The following WFDC1 variants were observed in gnomAD, a reference collection of about 807,000 sequenced individuals.
WFDC1 encodes WAP four-disulfide core domain 1.
A neutral mutation model predicts 32.9 loss-of-function variants in WFDC1; 39 were observed. The observed-to-expected ratio is 1.19, with a 90% confidence interval of 0.92 to 1.55. The LOEUF (loss-of-function observed/expected upper bound fraction) is 1.55. Ranked by LOEUF, WFDC1 falls within the 40% of genes most tolerant of loss-of-function variation. The pLI, the probability that WFDC1 is intolerant of heterozygous loss-of-function variation, is 0.00. For synonymous variants in WFDC1, 184 were observed against 137.4 expected (o/e 1.34, Z -2.37); for missense variants, 386 against 309.5 (o/e 1.25, Z -1.85).
chr16:84,312,760 C>T (rs746328181), intron 1 of WFDC1, among the ~76,000 whole-genome samples: 1 of 152,084 alleles, frequency 6.6e-6, no homozygotes, highest in East Asian at 1.9e-4. Flanking sequence ...TATTTCGTGC[C>T]GACTGTTATA....
At chr16:84,301,351 C>T (rs768335468) in intron 1 of WFDC1, among the ~76,000 whole-genome samples, 3 of 152,184 alleles carry the variant, frequency 2.0e-5, no homozygotes, top group Non-Finnish European at 2.9e-5. Context: ...CAACCGGCAA[C>T]GAGACATTTC....
chr16:84,312,668 C>A lies in WFDC1; in HGVS notation c.145-293C>A, dbSNP rs926113166. ...ATTATGTATTATGTATCATCTCTCT[C>A]TCACACCGGGTAGATACTTAAGTAA... On this transcript the variant is annotated intron_variant, in intron 1 of 6. Coordinates refer to ENST00000219454, the MANE Select transcript of WFDC1 (RefSeq NM_021197.4). Among the ~76,000 whole-genome samples, 4 of 152,272 alleles carry A rather than the reference C, an allele frequency of 2.6e-5. No individual in the cohort carries two copies. The East Asian group carries it at 5.8e-4, about 22-fold the overall frequency.
At chr16:84,298,401 T>G (rs1951709072) in intron 1 of WFDC1, among the ~76,000 whole-genome samples, 1 of 152,126 alleles carries the variant, frequency 6.6e-6, no homozygotes, top group African/African-American at 2.4e-5. Flanking sequence ...AGCCAGGAAA[T>G]ACTTCTTGTT....
chr16:84,316,533 G>A (rs1907958702), intron 2 of WFDC1: 1 of 152,254 alleles, frequency 6.6e-6, no homozygotes, highest in Non-Finnish European at 1.5e-5. Context: ...GCCAAAGCAG[G>A]AGGATCACGC....
Position 84,294,879 on chromosome 16 carries a change from G to C in WFDC1, c.-93G>C. 6.6e-7 allele frequency: 1 copy of C among 1,510,816 alleles called. No homozygotes were observed. Among genetic ancestry groups the C allele is most frequent in the Non-Finnish European group, 8.8e-7 (1 of 1,130,116 alleles). 93.6% of individuals were successfully genotyped at this position (1,510,816 alleles called of 1,614,324 possible). On this transcript the variant is annotated 5_prime_UTR_variant, in exon 1 of 7. Transcript: ENST00000219454. ...TGGGTGGAACTAAGAAAGTCCAGCA[G>C]ACTGTGCACGCTCCTGTCCCCACTC...
intron 3 of WFDC1, 141 bp downstream of exon 3, chr16:84,318,496 C>G: frequency 2.6e-6 from 2 of 774,190 alleles, no homozygotes; most frequent in Non-Finnish European, 4.4e-6. Context: ...CTTTGATCCT[C>G]CCCACCCCAG....
In WFDC1 at chr16:84,318,715, G is replaced by A. The variant is rs142801166; in HGVS notation, c.421+360G>A. 525 of 244,240 alleles carry A rather than the reference G, an allele frequency of 2.1e-3. 7 individuals carry two copies. Among genetic ancestry groups the A allele is most frequent in the Non-Finnish European group, 3.9e-3 (462 of 119,104 alleles). The allele number at this position is 244,240 out of a possible 1,614,324, so 15.1% of individuals were successfully genotyped here. A position where few individuals can be genotyped will look rare whatever the true frequency, so the allele number is the denominator to read the frequency against. ...CTGGGGGTGGGGGAGGTACCAGGAG[G>A]CAGAGGGCAATTTCTGGAAGGAACA... On this transcript the variant is annotated intron_variant, in intron 3 of 6. Coordinates refer to ENST00000219454, the MANE Select transcript of WFDC1 (RefSeq NM_021197.4).
At chr16:84,296,326 G>T (rs1410393828) in intron 1 of WFDC1, among the ~76,000 whole-genome samples, 1 of 152,172 alleles carries the variant, frequency 6.6e-6, no homozygotes, top group Non-Finnish European at 1.5e-5. Flanking sequence ...CTTGGGGTAG[G>T]GCAGGGTTCT....
In WFDC1 at chr16:84,295,144, C is replaced by T. The variant is rs1187439954; in HGVS notation, c.144+29C>T. On this transcript the variant is annotated intron_variant, in intron 1 of 6. Coordinates refer to ENST00000219454, the MANE Select transcript of WFDC1 (RefSeq NM_021197.4). ...AGTGCCTGGGATGGGGAGGCTGGGG[C>T]AGCCTGTGTGGGTGGGAGTCAGCCT... 17 of 1,610,256 alleles carry T rather than the reference C, an allele frequency of 1.1e-5. No homozygotes were observed. In the Admixed American group the frequency reaches 2.7e-4, roughly 25 times the overall value.
At chr16:84,314,824 A>C (rs1907855668) in intron 2 of WFDC1, among the ~76,000 whole-genome samples, 1 of 152,218 alleles carries the variant, frequency 6.6e-6, no homozygotes, top group Non-Finnish European at 1.5e-5. Flanking sequence ...CTTCCTCTGG[A>C]ATGTGACCTG....
chr16:84,319,680 C>T lies in WFDC1; in HGVS notation c.562+109C>T, dbSNP rs976243275. 7 of 1,415,460 alleles carry T rather than the reference C, an allele frequency of 4.9e-6. No individual in the cohort carries two copies. In the African/African-American group the frequency reaches 9.9e-5, roughly 20 times the overall value. The allele number at this position is 1,415,460 out of a possible 1,614,324, so 87.7% of individuals were successfully genotyped here. A position where few individuals can be genotyped will look rare whatever the true frequency, so the allele number is the denominator to read the frequency against. ...CTGCCCCAGGAAGCAGCCCCAGCAC[C>T]TGGGCCTGACTGAGAGCTCCTCACA... On this transcript the variant is annotated intron_variant, in intron 4 of 6. Coordinates refer to ENST00000219454, the MANE Select transcript of WFDC1 (RefSeq NM_021197.4).
At chr16:84,301,522 A>T (rs1906933437) in intron 1 of WFDC1, among the ~76,000 whole-genome samples, 1 of 152,112 alleles carries the variant, frequency 6.6e-6, no homozygotes, top group African/African-American at 2.4e-5. Context: ...CAAGACTATG[A>T]AGATGCCTAC....
At chr16:84,328,732 C>T (rs1313394469) in intron 6 of WFDC1, 1 of 152,126 alleles carries the variant, frequency 6.6e-6, no homozygotes, top group Non-Finnish European at 1.5e-5. Flanking sequence ...ATGGTATAAT[C>T]CCAGGAGTTC....
chr16:84,319,592 C>T (rs771243971), intron 4 of WFDC1, 21 bp downstream of exon 4: 10 of 1,608,754 alleles, frequency 6.2e-6, no homozygotes, highest in Non-Finnish European at 8.5e-6. Flanking sequence ...CACCCCAGCC[C>T]TGATCCTGGC....
chr16:84,302,803 G>A (rs899507935), intron 1 of WFDC1, among the ~76,000 whole-genome samples: 1 of 152,114 alleles, frequency 6.6e-6, no homozygotes, highest in African/African-American at 2.4e-5. Context: ...ACGTCTTCTG[G>A]TTCAACTCGG....
chr16:84,303,018 TTTC>T (rs1414259021), intron 1 of WFDC1, among the ~76,000 whole-genome samples: 19 of 121,952 alleles, frequency 1.6e-4, no homozygotes, highest in African/African-American at 4.3e-4. Flanking sequence ...AATTTCTTTC[TTTC>T]TTTTTTTTTT....
At chr16:84,304,659 A>G (rs911476985) in intron 1 of WFDC1, among the ~76,000 whole-genome samples, 1 of 152,246 alleles carries the variant, frequency 6.6e-6, no homozygotes, top group African/African-American at 2.4e-5. Flanking sequence ...TGAAAATAAA[A>G]GCTGGAAATC....
At position 84,314,359 on chromosome 16, in the gene WFDC1, C is replaced by T. The variant is rs111742862; in HGVS notation, c.337+1206C>T. Among the ~76,000 whole-genome samples, 1,510 of 152,140 alleles carry T rather than the reference C, an allele frequency of 9.9e-3. 17 individuals are homozygous for T. The highest frequency in any genetic ancestry group is 0.035 in the African/African-American group (1,434 of 41,508). ...TGGGTGGGGAAAATGTGCCCCTAAGCGGGTAGGATTTGCGGCAAGGAAGTC... is the reference window on the plus strand; with the variant it reads ...TGGGTGGGGAAAATGTGCCCCTAAGTGGGTAGGATTTGCGGCAAGGAAGTC... On this transcript the variant is annotated intron_variant, in intron 2 of 6. Transcript: ENST00000219454.
At chr16:84,306,185 T>C (rs945504567) in intron 1 of WFDC1, among the ~76,000 whole-genome samples, 2 of 152,150 alleles carry the variant, frequency 1.3e-5, no homozygotes, top group Non-Finnish European at 2.9e-5. Flanking sequence ...CAGATGACGC[T>C]CAGATACGTT....
Sources: gnomAD v4.1 joint callset for allele counts (sites outside exome capture counted in the v4.1 genomes callset) on GRCh38, gnomAD v4.1.1 for gene constraint, MANE v1.5 for transcripts, NCBI Gene and HGNC (gene_info 2026-07-23, HGNC 2026-07-21) for gene names.